The following TAF4 variants were observed in gnomAD, a reference collection of about 807,000 sequenced individuals.
TAF4 encodes the protein TATA-box binding protein associated factor 4.
In TAF4, 9 loss-of-function variants were observed where a neutral mutation model predicts 90.3. The ratio of observed to expected loss-of-function variants is 0.10; its 90% CI spans 0.06 to 0.17. The LOEUF (loss-of-function observed/expected upper bound fraction) is 0.17. Ranked by LOEUF, TAF4 falls within the 10% of genes least tolerant of loss-of-function variation. The pLI, the probability that TAF4 is intolerant of heterozygous loss-of-function variation, is 1.00. For missense variants in TAF4, 1,351 were observed against 1,370.7 expected (o/e 0.99, Z 0.23); for synonymous variants, 818 against 638.9 (o/e 1.28, Z -4.23).
intron 14 of TAF4, among the ~76,000 whole-genome samples, chr20:61,992,644 G>A (rs1466254729): frequency 6.6e-6 from 1 of 152,082 alleles, no homozygotes. Context: ...CACTGAAAAG[G>A]CCAACCCACC....
intron 1 of TAF4, among the ~76,000 whole-genome samples, chr20:62,043,504 T>C (rs2055975493): frequency 6.6e-6 from 1 of 152,142 alleles, no homozygotes; most frequent in Non-Finnish European, 1.5e-5. Context: ...ACCCTAAGCA[T>C]AGAGTGCCCC....
At chr20:62,034,051 A>G (rs2055919053) in intron 1 of TAF4, among the ~76,000 whole-genome samples, 1 of 152,094 alleles carries the variant, frequency 6.6e-6, no homozygotes, top group African/African-American at 2.4e-5. Context: ...CCAAAAAAAA[A>G]AAAAAGAAAA....
At position 62,064,600 on chromosome 20, in the gene TAF4, G is replaced by T; in HGVS notation, c.1211C>A (p.Ala404Glu). The change falls in exon 1 of 15, where the codon GCG (alanine) becomes GAG (glutamate). Residue 404 changes from alanine to glutamate, a missense_variant. Coordinates refer to ENST00000252996, the MANE Select transcript of TAF4 (RefSeq NM_003185.4). ...PGTPTGLPKG[A>E]AGAVTQSLSR... The stretch of plus-strand genomic sequence containing the variant: ...CAGGCTCTGGGTCACTGCGCCGGCC[G>T]CGCCTTTGGGCAGCCCGGTGGGGGT... 6.9e-7 allele frequency: 1 copy of T among 1,449,188 alleles called. No homozygotes were observed. 89.8% of individuals were successfully genotyped at this position (1,449,188 alleles called of 1,614,324 possible).
At chr20:62,017,196 G>A (rs1253145020) in intron 1 of TAF4, among the ~76,000 whole-genome samples, 1 of 151,978 alleles carries the variant, frequency 6.6e-6, no homozygotes, top group Non-Finnish European at 1.5e-5. Flanking sequence ...AATAATGGAC[G>A]CAGACTTAAG....
At chr20:62,024,839 C>T (rs541096546) in intron 1 of TAF4, among the ~76,000 whole-genome samples, 107 of 151,786 alleles carry the variant, frequency 7.0e-4, no homozygotes, top group African/African-American at 2.4e-3. Flanking sequence ...CACTGCACTC[C>T]AGCCCAGGCA....
intron 2 of TAF4, 123 bp downstream of exon 2, chr20:62,014,424 C>T: frequency 1.6e-5 from 20 of 1,285,180 alleles, no homozygotes; most frequent in East Asian, 2.8e-5. Context: ...ACTGGGACGC[C>T]GCCCACACTT....
intron 5 of TAF4, chr20:62,008,008 A>G: frequency 5.6e-6 from 1 of 177,890 alleles, no homozygotes; most frequent in Non-Finnish European, 1.2e-5. Flanking sequence ...CAAAGCCAGC[A>G]CTGCAAGTGC....
At chr20:62,023,497 C>T (rs2055855333) in intron 1 of TAF4, among the ~76,000 whole-genome samples, 1 of 151,974 alleles carries the variant, frequency 6.6e-6, no homozygotes. Context: ...TTAGAAAGCT[C>T]AGCACTTCGG....
intron 1 of TAF4, among the ~76,000 whole-genome samples, chr20:62,031,926 G>A (rs919848554): frequency 6.6e-6 from 1 of 151,972 alleles, no homozygotes; most frequent in Non-Finnish European, 1.5e-5. Flanking sequence ...GAACGCACAG[G>A]ACACTTCCAA....
At chr20:62,024,105 A>G (rs925693095) in intron 1 of TAF4, among the ~76,000 whole-genome samples, 6 of 152,154 alleles carry the variant, frequency 3.9e-5, no homozygotes, top group African/African-American at 1.4e-4. Context: ...CCAGGACAGC[A>G]CAGTGTTGGT....
intron 1 of TAF4, among the ~76,000 whole-genome samples, chr20:62,034,258 G>GAGTA (rs1288947582): frequency 2.0e-5 from 3 of 152,196 alleles, no homozygotes; most frequent in Admixed American, 6.5e-5. Flanking sequence ...AAGAGTGCTA[G>GAGTA]AGTAAGATCA....
chr20:61,993,027 C>G (rs564610533), intron 14 of TAF4, among the ~76,000 whole-genome samples: 83 of 152,270 alleles, frequency 5.5e-4, no homozygotes, highest in African/African-American at 1.8e-3. Flanking sequence ...TTATCTTCAC[C>G]TGGATATATG....
intron 1 of TAF4, among the ~76,000 whole-genome samples, chr20:62,048,070 T>C (rs1367333063): frequency 6.6e-6 from 1 of 151,534 alleles, no homozygotes; most frequent in Non-Finnish European, 1.5e-5. Context: ...CGGGGAAGGG[T>C]GTGTAGAAGA....
chr20:62,030,943 C>CTGCA (rs1216489460), intron 1 of TAF4, among the ~76,000 whole-genome samples: 6 of 152,220 alleles, frequency 3.9e-5, no homozygotes, highest in Non-Finnish European at 8.8e-5. Context: ...ACTTGCCCAA[C>CTGCA]TGCACCTGAG....
chr20:61,984,233 A>G (rs1031912551), intron 14 of TAF4, among the ~76,000 whole-genome samples: 5 of 152,182 alleles, frequency 3.3e-5, no homozygotes, highest in Non-Finnish European at 7.3e-5. Context: ...CGCTGACTGC[A>G]CCACCCAGAC....
At chr20:62,060,755 C>T (rs188872410) in intron 1 of TAF4, among the ~76,000 whole-genome samples, 4 of 152,366 alleles carry the variant, frequency 2.6e-5, no homozygotes, top group African/African-American at 7.2e-5. Flanking sequence ...CCTCCAAAGG[C>T]CACTGCAACC....
At chr20:62,005,394 A>C (rs28382083) in intron 7 of TAF4, 3 of 152,276 alleles carry the variant, frequency 2.0e-5, no homozygotes, top group African/African-American at 7.2e-5. Flanking sequence ...CACAGCACCT[A>C]ATTCTAAAAA....
rs552044645 is a variant in TAF4 at position 61,987,512 on chromosome 20, C to T, written c.3090+10038G>A. Among the ~76,000 whole-genome samples the T allele has an allele frequency of 2.9e-4, 44 of 152,300 alleles. 1 individual carries two copies. The highest frequency in any genetic ancestry group is 1.0e-3 in the African/African-American group (43 of 41,560). On this transcript the variant is annotated intron_variant, in intron 14 of 14. Coordinates refer to ENST00000252996, the MANE Select transcript of TAF4 (RefSeq NM_003185.4). ...CGCATCCTCCGTCACCAGGGAGATG[C>T]AAATTAAAACAAGATGCACACACCT... is the stretch of plus-strand genomic sequence containing the variant.
At chr20:61,996,369 T>A (rs1365335581) in intron 14 of TAF4, among the ~76,000 whole-genome samples, 1 of 151,808 alleles carries the variant, frequency 6.6e-6, no homozygotes, top group African/African-American at 2.4e-5. Flanking sequence ...GGTGACACAG[T>A]GAGACCCTGC....
Sources: allele counts gnomAD v4.1 joint callset (sites outside exome capture counted in the v4.1 genomes callset), GRCh38; gene constraint gnomAD v4.1.1; transcripts MANE v1.5; gene names NCBI Gene and HGNC (gene_info 2026-07-23, HGNC 2026-07-21).